Variants in GRIP2 observed in about 807,000 individuals in gnomAD.
The protein encoded by GRIP2 is glutamate receptor interacting protein 2, also known as glutamate receptor-interacting protein 2.
A neutral mutation model predicts 108.3 loss-of-function variants in GRIP2; 58 were observed. The ratio of observed to expected loss-of-function variants is 0.54; its 90% CI spans 0.43 to 0.67. The LOEUF (loss-of-function observed/expected upper bound fraction) is 0.67, where lower values mean the gene tolerates loss of function less well. Among genes scored for constraint, GRIP2 ranks in the 30% least tolerant of loss-of-function variants. The pLI is 0.00. For missense variants in GRIP2, 1,278 were observed against 1,430.6 expected (o/e 0.89, Z 1.72); for synonymous variants, 586 against 598.2 (o/e 0.98, Z 0.30).
intron 1 of GRIP2, among the ~76,000 whole-genome samples, chr3:14,547,201 AAAG>A (rs992433585): frequency 1.3e-5 from 2 of 152,186 alleles, no homozygotes; most frequent in African/African-American, 4.8e-5. Context: ...GAAAGGAAGG[AAAG>A]AAGAGAGACA....
At chr3:14,525,011 G>T (rs1354940507) in intron 3 of GRIP2, among the ~76,000 whole-genome samples, 1 of 152,240 alleles carries the variant, frequency 6.6e-6, no homozygotes, top group South Asian at 2.1e-4. Context: ...GCAGAAATGT[G>T]CATGTGGGGC....
At chr3:14,586,642 T>A in the GRIP2 span, among the ~76,000 whole-genome samples, 1 of 152,128 alleles carries the variant, frequency 6.6e-6, no homozygotes, top group Admixed American at 6.5e-5. Flanking sequence ...CTCCAGGAGA[T>A]TATGTGGCCC....
the GRIP2 span, among the ~76,000 whole-genome samples, chr3:14,587,452 G>A: frequency 6.6e-6 from 1 of 151,952 alleles, no homozygotes; most frequent in Non-Finnish European, 1.5e-5. Context: ...CCAACATAGT[G>A]ACATAGTGAA....
the GRIP2 span, among the ~76,000 whole-genome samples, chr3:14,569,670 C>T: frequency 6.6e-6 from 1 of 152,170 alleles, no homozygotes; most frequent in Non-Finnish European, 1.5e-5. Flanking sequence ...CACATGCCAG[C>T]GCCGCTTCCT....
Position 14,512,840 on chromosome 3 carries a change from T to G in GRIP2, c.1657A>C (p.Ser553Arg). 2 of 1,613,750 alleles carry G rather than the reference T, an allele frequency of 1.2e-6. No homozygotes were observed. The highest frequency in any genetic ancestry group is 1.3e-5 in the African/African-American group (1 of 75,056). Residue 553 changes from serine (S) to arginine (R), a missense_variant, in exon 14 of 24, where the codon AGT (serine) becomes CGT (arginine). Transcript: ENST00000621039. The surrounding 1 kb of genome is among the most constrained non-coding windows in gnomAD (Gnocchi z 5.1). ...FDVAESVIPS[S>R]GTFHVKLPKK... ...GGCAGCTTCACGTGGAAGGTGCCAC[T>G]GCTTGGGATGACGGACTCTGGGGGT...
intron 1 of GRIP2, among the ~76,000 whole-genome samples, chr3:14,537,269 G>A (rs750866079): frequency 2.0e-5 from 3 of 152,110 alleles, no homozygotes; most frequent in Non-Finnish European, 4.4e-5. Flanking sequence ...CAGCTCCTTC[G>A]GGAACTTGTA....
At chr3:14,567,395 C>A in the GRIP2 span, among the ~76,000 whole-genome samples, 1 of 152,182 alleles carries the variant, frequency 6.6e-6, no homozygotes, top group African/African-American at 2.4e-5. Flanking sequence ...TCCCTGGGGA[C>A]CCTGCATGCC....
intron 1 of GRIP2, among the ~76,000 whole-genome samples, chr3:14,527,259 AGGG>A (rs1694582123): frequency 1.3e-5 from 2 of 151,830 alleles, no homozygotes; most frequent in Non-Finnish European, 2.9e-5. Flanking sequence ...AGGGAAGGGA[AGGG>A]AAGGGAAGGT....
chr3:14,598,641 C>T, the GRIP2 span, among the ~76,000 whole-genome samples: 3 of 152,132 alleles, frequency 2.0e-5, no homozygotes, highest in South Asian at 2.1e-4. Flanking sequence ...CCAAGAGCTC[C>T]GAGCCCCTCC....
intron 21 of GRIP2, among the ~76,000 whole-genome samples, chr3:14,497,588 T>C (rs979385385): frequency 2.6e-5 from 4 of 151,976 alleles, no homozygotes; most frequent in African/African-American, 9.7e-5. Flanking sequence ...CAGTAAGAAA[T>C]GTGAACTTCA....
In GRIP2 at chr3:14,493,704, G is replaced by A; in HGVS notation, c.3093C>T (p.Ala1031=). 1 of 1,608,992 alleles carries A rather than the reference G, an allele frequency of 6.2e-7. No individual in the cohort carries two copies. Among genetic ancestry groups the A allele is most frequent in the Non-Finnish European group, 8.5e-7 (1 of 1,178,040 alleles). ...GACTGCTGGGGCCTGGCGATCGGGG[G>A]GCCCGGCTGCTGTGTGCCGTGTGCG... ...RKPHTAHSSR[A]PRSPGPSSPR... The change falls in exon 24 of 24, where the codon GCC becomes GCT. Residue 1031 remains alanine, a synonymous_variant. Coordinates refer to ENST00000621039, the MANE Select transcript of GRIP2 (RefSeq NM_001080423.4).
At chr3:14,506,294 T>C (rs4234525) in intron 19 of GRIP2, among the ~76,000 whole-genome samples, 90,135 of 152,092 alleles carry the variant, frequency 0.59, 27,060 homozygotes, top group South Asian at 0.79. Context: ...TGAGGCCAGC[T>C]GGCCAGCCAC....
Position 14,492,599 on chromosome 3 carries a change from T to C in GRIP2, c.*1066A>G, listed in dbSNP as rs1701360978. On this transcript the variant is annotated 3_prime_UTR_variant, in exon 24 of 24. Transcript: ENST00000621039. ...GTCCCATCTTTTTCTCTGGCCCATT[T>C]CTCTCCCATCTCCCTCCCTCTTTCT... 6.6e-6 allele frequency: 1 copy of C among 152,312 alleles called. No homozygotes were observed. The highest frequency in any genetic ancestry group is 6.5e-5 in the Admixed American group (1 of 15,288). 9.4% of individuals were successfully genotyped at this position (152,312 alleles called of 1,614,324 possible). A position where few individuals can be genotyped will look rare whatever the true frequency, so the allele number is the denominator to read the frequency against.
chr3:14,530,269 T>C (rs935305610), intron 1 of GRIP2, among the ~76,000 whole-genome samples: 2 of 152,206 alleles, frequency 1.3e-5, no homozygotes, highest in Non-Finnish European at 2.9e-5. Context: ...CAAGGTAGCT[T>C]TTCCTGTGTC....
chr3:14,534,844 A>C (rs1260528773), intron 1 of GRIP2, among the ~76,000 whole-genome samples: 1 of 152,118 alleles, frequency 6.6e-6, no homozygotes, highest in Non-Finnish European at 1.5e-5. Flanking sequence ...TCAGGGGGCT[A>C]TTGAGCTTTG....
upstream of GRIP2, chr3:14,540,522 C>A: frequency 1.8e-6 from 2 of 1,122,174 alleles, no homozygotes; most frequent in Non-Finnish European, 2.5e-6. The surrounding 1 kb of genome is among the most constrained non-coding windows in gnomAD (Gnocchi z 4.1). Context: ...CATGCCCCAC[C>A]CCTGCAGCCT....
the GRIP2 span, among the ~76,000 whole-genome samples, chr3:14,591,930 G>A: frequency 1.3e-5 from 2 of 152,188 alleles, no homozygotes; most frequent in African/African-American, 4.8e-5. Flanking sequence ...GCAGCCTCTC[G>A]GGCCTCTGTA....
chr3:14,524,561 C>T (rs1309994130), intron 3 of GRIP2, 23 bp from the exon 4 acceptor site: 1 of 1,549,354 alleles, frequency 6.5e-7, no homozygotes, highest in Non-Finnish European at 8.7e-7. Flanking sequence ...GGCCAGGGCA[C>T]ACATGGTAAC....
At chr3:14,598,935 T>G in the GRIP2 span, among the ~76,000 whole-genome samples, 2 of 152,162 alleles carry the variant, frequency 1.3e-5, no homozygotes, top group Non-Finnish European at 2.9e-5. Context: ...AAAGTCACCT[T>G]CCAGGGATGC....
Sources: gnomAD v4.1 joint callset for allele counts (sites outside exome capture counted in the v4.1 genomes callset) on GRCh38, gnomAD v4.1.1 for gene constraint, Gnocchi (gnomAD v3.1) non-coding constraint, MANE v1.5 for transcripts, NCBI Gene and HGNC (gene_info 2026-07-23, HGNC 2026-07-21) for gene names.